SMCHD1: variants seen among roughly 807,000 people sequenced by gnomAD.
SMCHD1 encodes the protein structural maintenance of chromosomes flexible hinge domain containing 1.
In SMCHD1, 78 loss-of-function variants were observed where a neutral mutation model predicts 254.7. The ratio of observed to expected loss-of-function variants is 0.31; its 90% CI spans 0.26 to 0.37. The LOEUF is 0.37. Among genes scored for constraint, SMCHD1 ranks in the 10% least tolerant of loss-of-function variants. The probability of loss-of-function intolerance (pLI) is 1.00; values close to 1 mark genes in which losing one functional copy is unlikely to be tolerated. For missense variants in SMCHD1, 1,840 were observed against 2,408.1 expected (o/e 0.76, Z 4.94); for synonymous variants, 766 against 794.9 (o/e 0.96, Z 0.61).
intron 19 of SMCHD1, among the ~76,000 whole-genome samples, chr18:2,721,547 T>G (rs1349508583): frequency 6.6e-6 from 1 of 152,140 alleles, no homozygotes; most frequent in African/African-American, 2.4e-5. Context: ...GAAACCGTAG[T>G]GCTTTTTGGG....
chr18:2,754,367 G>A (rs1278399926), intron 34 of SMCHD1, among the ~76,000 whole-genome samples: 1 of 152,162 alleles, frequency 6.6e-6, no homozygotes, highest in East Asian at 1.9e-4. Context: ...TGAAACAAAA[G>A]GATTCAAAGT....
chr18:2,729,495 T>C (rs2075094088), intron 24 of SMCHD1, 86 bp downstream of exon 24: 1 of 1,011,738 alleles, frequency 9.9e-7, no homozygotes, highest in South Asian at 2.3e-5. Flanking sequence ...TTTGCAAAAT[T>C]GTTAACTTCT....
Position 2,795,974 on chromosome 18 carries a change from T to A in SMCHD1, c.5745T>A (p.Ala1915=). 3 of 1,596,702 alleles carry A rather than the reference T, an allele frequency of 1.9e-6. No homozygotes were observed. In the South Asian group the frequency reaches 3.4e-5, roughly 18 times the overall value. ...ATCTTCTTCAGCAGTATCGTTCTGC[T>A]GTGTGCAAACTAGACAGTGTGAATA... ...QIDLLQQYRS[A]VCKLDSVNKD... is the part of the protein sequence containing the mutation. Residue 1915 remains alanine (A), a synonymous_variant, in exon 46 of 48, where the codon GCT becomes GCA. Coordinates refer to ENST00000320876, the MANE Select transcript of SMCHD1 (RefSeq NM_015295.3).
intron 27 of SMCHD1, 66 bp from the exon 28 acceptor site, chr18:2,740,637 T>G: frequency 2.7e-6 from 2 of 737,536 alleles, no homozygotes; most frequent in Non-Finnish European, 4.2e-6. Context: ...GTTTTTATAG[T>G]GTATTGTAGA....
At chr18:2,741,069 AT>A (rs2075340689) in intron 28 of SMCHD1, among the ~76,000 whole-genome samples, 2 of 152,310 alleles carry the variant, frequency 1.3e-5, no homozygotes, top group South Asian at 4.1e-4. Context: ...TTTGAAGCAA[AT>A]TCCAGACATC....
intron 37 of SMCHD1, among the ~76,000 whole-genome samples, chr18:2,767,664 A>G (rs2075893445): frequency 7.6e-6 from 1 of 132,266 alleles, no homozygotes; most frequent in Non-Finnish European, 1.5e-5. Context: ...CTCTTGGCTC[A>G]GTGCAACCTC....
chr18:2,773,695 G>T (rs1158268924), intron 41 of SMCHD1, among the ~76,000 whole-genome samples: 3 of 152,172 alleles, frequency 2.0e-5, no homozygotes, highest in Non-Finnish European at 4.4e-5. Context: ...GCCAAGACAG[G>T]CGCATTACCT....
chr18:2,732,984 A>G (rs74859169), intron 25 of SMCHD1, among the ~76,000 whole-genome samples: 1,537 of 152,326 alleles, frequency 0.01, 21 homozygotes, highest in African/African-American at 0.035. Flanking sequence ...GTCCTCATCA[A>G]CCTGCTGTCA....
At chr18:2,730,209 TG>T (rs1479723041) in intron 24 of SMCHD1, among the ~76,000 whole-genome samples, 11 of 152,136 alleles carry the variant, frequency 7.2e-5, no homozygotes, top group Non-Finnish European at 1.3e-4. Context: ...CTTGCTCTGT[TG>T]CCCAGGCTGG....
At chr18:2,656,536 G>A (rs528295088) in intron 1 of SMCHD1, among the ~76,000 whole-genome samples, 5 of 152,364 alleles carry the variant, frequency 3.3e-5, no homozygotes, top group Non-Finnish European at 5.9e-5. Flanking sequence ...CCCGGGTGGA[G>A]AGCTCAGCGT....
chr18:2,777,066 C>T (rs560442902), intron 42 of SMCHD1, among the ~76,000 whole-genome samples: 5 of 147,190 alleles, frequency 3.4e-5, no homozygotes. Context: ...ACCACCTCCC[C>T]CCCCCATACC....
rs146946255 is a variant in SMCHD1, at chr18:2,753,629, C to T, written c.4346+1077C>T. Among the ~76,000 whole-genome samples the T allele has an allele frequency of 7.9e-5, 12 of 152,282 alleles. No individual in the cohort carries two copies. The East Asian group carries it at 2.3e-3, about 29-fold the overall frequency. On this transcript the variant is annotated intron_variant, in intron 34 of 47. Transcript: ENST00000320876. ...GTGCAGTGGCTCACTGCAACCTCTGCTTCCCTGGCTCAAGCGAGCCCCCTG... is the reference window on the plus strand; with the variant it reads ...GTGCAGTGGCTCACTGCAACCTCTGTTTCCCTGGCTCAAGCGAGCCCCCTG...
rs183130346 is a variant in SMCHD1, at chr18:2,672,329, C to T, written c.425-952C>T. 9.2e-5 allele frequency among the ~76,000 whole-genome samples: 14 copies of T among 152,164 alleles called. No homozygotes were observed. In the East Asian group the frequency reaches 1.7e-3, roughly 19 times the overall value. On this transcript the variant is annotated intron_variant, in intron 3 of 47. Transcript: ENST00000320876. ...GCAACCTCTGCCTCCCAGGTTCAAGCGATTCTCCTGCCTCAGCCTCCCGAG... is the reference window on the plus strand; with the variant it reads ...GCAACCTCTGCCTCCCAGGTTCAAGTGATTCTCCTGCCTCAGCCTCCCGAG...
chr18:2,795,874 G>A, intron 45 of SMCHD1, 75 bp from the exon 46 acceptor site: 1 of 1,280,694 alleles, frequency 7.8e-7, no homozygotes, highest in Non-Finnish European at 1.1e-6. Context: ...TTCCAGTGTT[G>A]CTCATTTTTT....
Position 2,706,341 on chromosome 18 carries a change from T to C in SMCHD1, c.1957-23T>C. 3 of 1,448,798 alleles carry C rather than the reference T, an allele frequency of 2.1e-6. No individual in the cohort carries two copies. In the East Asian group the frequency reaches 7.4e-5, roughly 36 times the overall value. The allele number at this position is 1,448,798 out of a possible 1,614,324, so 89.7% of individuals were successfully genotyped here. ...TAGATTTAAATAGTTTTCTTTGAAA[T>C]GTTGGTAAATGTATTTATTCAGGAA... On this transcript the variant is annotated intron_variant, in intron 14 of 47. Coordinates refer to ENST00000320876, the MANE Select transcript of SMCHD1 (RefSeq NM_015295.3).
intron 13 of SMCHD1, among the ~76,000 whole-genome samples, chr18:2,704,152 C>T (rs1165623809): frequency 6.6e-6 from 1 of 151,914 alleles, no homozygotes; most frequent in Non-Finnish European, 1.5e-5. Context: ...AATTTAACAA[C>T]AGTAACAACA....
At chr18:2,667,823 T>C (rs1439136129) in intron 3 of SMCHD1, among the ~76,000 whole-genome samples, 1 of 152,212 alleles carries the variant, frequency 6.6e-6, no homozygotes, top group Non-Finnish European at 1.5e-5. Context: ...TTAATATATA[T>C]GTCTCTGTAT....
Position 2,747,567 on chromosome 18 carries a change from G to A in SMCHD1, c.3847G>A (p.Val1283Ile), listed in dbSNP as rs772726057. 9 of 1,608,918 alleles carry A rather than the reference G, an allele frequency of 5.6e-6. No homozygotes were observed. The African/African-American group carries it at 1.2e-4, about 22-fold the overall frequency. Residue 1283 changes from valine (V) to isoleucine (I), a missense_variant, in exon 30 of 48, where the codon GTT becomes ATT. Transcript: ENST00000320876. Reference sequence around the variant, plus strand: ...AAGAGATTTACAGAACCCTATTATTGTTCAACTTTGTGATCAGTGGGATAA... The same window carrying A: ...AAGAGATTTACAGAACCCTATTATTATTCAACTTTGTGATCAGTGGGATAA... Reference protein sequence around the residue: ...NGRDLQNPIIVQLCDQWDNPA... With the variant: ...NGRDLQNPIIIQLCDQWDNPA...
chr18:2,729,496 G>A, intron 24 of SMCHD1, 87 bp downstream of exon 24: 2 of 1,009,366 alleles, frequency 2.0e-6, no homozygotes, highest in Non-Finnish European at 2.7e-6. Flanking sequence ...TTGCAAAATT[G>A]TTAACTTCTG....
Sources: allele counts gnomAD v4.1 joint callset (sites outside exome capture counted in the v4.1 genomes callset), GRCh38; gene constraint gnomAD v4.1.1; transcripts MANE v1.5; gene names NCBI Gene and HGNC (gene_info 2026-07-23, HGNC 2026-07-21).